The following ERP44 variants were observed in gnomAD, a reference collection of about 807,000 sequenced individuals.
ERP44 encodes the protein endoplasmic reticulum resident protein 44.
Under a neutral mutation model 53.4 loss-of-function variants are expected in ERP44, and 25 were observed. The ratio of observed to expected loss-of-function variants is 0.47; its 90% CI spans 0.34 to 0.65. The LOEUF is 0.65. ERP44 is among the 30% of genes least tolerant of loss of function. The pLI is 0.01. For synonymous variants in ERP44, 145 were observed against 161.2 expected, an observed-to-expected ratio of 0.90 and a Z score of 0.76; for missense variants, 338 against 493.2, an observed-to-expected ratio of 0.69 and a Z score of 2.98.
At chr9:100,060,315 T>A in intron 1 of ERP44, 143 bp from the exon 2 acceptor site, 1 of 978,688 alleles carries the variant, frequency 1.0e-6, no homozygotes, top group Non-Finnish European at 1.3e-6. Context: ...TTATCTAGTC[T>A]AATCTTTTAC....
chr9:100,000,292 G>C (rs932220050), intron 10 of ERP44, among the ~76,000 whole-genome samples: 14 of 152,058 alleles, frequency 9.2e-5, no homozygotes, highest in Non-Finnish European at 2.1e-4. Flanking sequence ...AAAAAAATTA[G>C]GTGGGCATGG....
intron 10 of ERP44, among the ~76,000 whole-genome samples, chr9:100,001,252 G>A (rs890861070): frequency 2.0e-5 from 3 of 152,080 alleles, no homozygotes; most frequent in African/African-American, 4.8e-5. Context: ...AGACTTGTTT[G>A]TGGCCTAACA....
chr9:100,003,339 G>A (rs1478064614), intron 10 of ERP44, among the ~76,000 whole-genome samples: 1 of 152,146 alleles, frequency 6.6e-6, no homozygotes, highest in African/African-American at 2.4e-5. Context: ...TGCTCTTTTG[G>A]TGATGTTACG....
chr9:99,996,134 A>G, intron 10 of ERP44, among the ~76,000 whole-genome samples: 1 of 152,000 alleles, frequency 6.6e-6, no homozygotes, highest in East Asian at 1.9e-4. Context: ...TATCCCCAAC[A>G]TGGAGGTGCT....
At chr9:100,027,580 AT>A (rs1378946192) in intron 4 of ERP44, among the ~76,000 whole-genome samples, 1 of 152,208 alleles carries the variant, frequency 6.6e-6, no homozygotes, top group Admixed American at 6.5e-5. Context: ...AAATGTTAAA[AT>A]GGATGTCAGA....
At chr9:99,984,179 T>C (rs1160454131) in intron 11 of ERP44, among the ~76,000 whole-genome samples, 3 of 152,168 alleles carry the variant, frequency 2.0e-5, no homozygotes, top group Admixed American at 2.0e-4. Flanking sequence ...AAAGAAAAAC[T>C]CAGTTTTTAT....
At position 100,020,522 on chromosome 9, in the gene ERP44, T is replaced by C. The variant is rs1051112291; in HGVS notation, c.587+94A>G. 5 of 670,704 alleles carry C rather than the reference T, an allele frequency of 7.5e-6. No homozygotes were observed. The African/African-American group carries it at 9.1e-5, about 12-fold the overall frequency. 41.5% of individuals were successfully genotyped at this position (670,704 alleles called of 1,614,324 possible). On this transcript the variant is annotated intron_variant, in intron 6 of 11. Transcript: ENST00000262455. The stretch of plus-strand genomic sequence containing the variant: ...ATTTTAAAAGGATTGAGATCATTTT[T>C]GGAAAGATCATCTTCAGGAAATGAC...
chr9:100,094,197 G>C (rs1010872028), intron 1 of ERP44, among the ~76,000 whole-genome samples: 7 of 151,060 alleles, frequency 4.6e-5, no homozygotes, highest in African/African-American at 1.7e-4. Flanking sequence ...CGCATCTCTA[G>C]AATAAAATTT....
At chr9:100,095,589 T>C (rs1003592462) in intron 1 of ERP44, among the ~76,000 whole-genome samples, 4 of 152,188 alleles carry the variant, frequency 2.6e-5, no homozygotes, top group Admixed American at 2.0e-4. Context: ...AGGGACATAC[T>C]TTAGTATGTC....
At chr9:100,093,710 T>A (rs1826590646) in intron 1 of ERP44, among the ~76,000 whole-genome samples, 1 of 152,086 alleles carries the variant, frequency 6.6e-6, no homozygotes, top group Non-Finnish European at 1.5e-5. Context: ...AGACCAACAA[T>A]TCTACAGAAA....
chr9:100,006,041 AGAAACGCCTAGTAATAGCAAGATTCAT>A (rs1830422071), intron 10 of ERP44, among the ~76,000 whole-genome samples: 3 of 152,246 alleles, frequency 2.0e-5, no homozygotes, highest in Non-Finnish European at 4.4e-5. Flanking sequence ...ATATGCCATT[AGAAACGCCTAGTAATAGCAAGATTCAT>A]AAATACTACT....
chr9:100,074,573 T>A (rs1301883692), intron 1 of ERP44, among the ~76,000 whole-genome samples: 1 of 152,062 alleles, frequency 6.6e-6, no homozygotes, highest in Non-Finnish European at 1.5e-5. Flanking sequence ...CCAGAACCCC[T>A]TGAATGAAGG....
At position 100,020,721 on chromosome 9, in the gene ERP44, C is replaced by T. The variant is rs752325297; in HGVS notation, c.482G>A (p.Arg161Lys). 1 of 1,562,224 alleles carries T rather than the reference C, an allele frequency of 6.4e-7. No individual in the cohort carries two copies. Among genetic ancestry groups the T allele is most frequent in the South Asian group, 1.1e-5 (1 of 89,636 alleles). ...AEITTLDRSK[R>K]NIIGYFEQKD... is the part of the protein sequence containing the mutation. ...TTGCTCAAAATATCCAATGATATTT[C>T]TTTTGCTGCGCTGTAAAATAAAGTA... is the stretch of plus-strand genomic sequence containing the variant. Residue 161 changes from arginine (R) to lysine (K), a missense_variant, in exon 6 of 12, where the codon AGA becomes AAA. Transcript: ENST00000262455.
chr9:100,078,782 A>C (rs1474587417), intron 1 of ERP44, among the ~76,000 whole-genome samples: 1 of 152,144 alleles, frequency 6.6e-6, no homozygotes, highest in African/African-American at 2.4e-5. Flanking sequence ...AAAAAAAGTA[A>C]AGAAAAATAT....
rs185428667 is a variant in ERP44, at chr9:99,982,467, G to A, written c.*145C>T. ...ATTAAATGACAATGCATTTTGAGTC[G>A]GGGAGAAAAAAATTAAAAACCCAAA... is the stretch of plus-strand genomic sequence containing the variant. On this transcript the variant is annotated 3_prime_UTR_variant, in exon 12 of 12. Coordinates refer to ENST00000262455, the MANE Select transcript of ERP44 (RefSeq NM_015051.3). 13 of 352,274 alleles carry A rather than the reference G, an allele frequency of 3.7e-5. No individual in the cohort carries two copies. The highest frequency in any genetic ancestry group is 1.9e-4 in the Admixed American group (4 of 21,486). The allele number at this position is 352,274 out of a possible 1,614,324, so 21.8% of individuals were successfully genotyped here. A position where few individuals can be genotyped will look rare whatever the true frequency, so the allele number is the denominator to read the frequency against.
intron 5 of ERP44, among the ~76,000 whole-genome samples, chr9:100,021,262 G>A (rs1423085602): frequency 6.6e-6 from 1 of 152,202 alleles, no homozygotes; most frequent in East Asian, 1.9e-4. Context: ...CTCTGAAATA[G>A]TGAGTTCCCC....
At chr9:100,000,435 C>CAAAAAAAAAAAAAAAAAA (rs34304276) in intron 10 of ERP44, among the ~76,000 whole-genome samples, 1 of 123,984 alleles carries the variant, frequency 8.1e-6, no homozygotes, top group Non-Finnish European at 1.7e-5. Context: ...GATCCTGTAT[C>CAAAAAAAAAAAAAAAAAA]AAAAAAAAAA....
intron 10 of ERP44, among the ~76,000 whole-genome samples, chr9:100,004,838 C>G (rs1458010198): frequency 6.6e-6 from 1 of 152,074 alleles, no homozygotes; most frequent in Non-Finnish European, 1.5e-5. Context: ...ATGGAAAGTC[C>G]TTTTCTGTCA....
intron 1 of ERP44, among the ~76,000 whole-genome samples, chr9:100,087,099 G>A (rs756243772): frequency 9.3e-5 from 14 of 151,220 alleles, no homozygotes; most frequent in Non-Finnish European, 1.8e-4. Context: ...TAAGTGACGT[G>A]TCCAAATTAA....
Sources: allele counts gnomAD v4.1 joint callset (sites outside exome capture counted in the v4.1 genomes callset), GRCh38; gene constraint gnomAD v4.1.1; transcripts MANE v1.5; gene names NCBI Gene and HGNC (gene_info 2026-07-23, HGNC 2026-07-21).